Variants in DSCAM observed in about 807,000 individuals in gnomAD.
DSCAM encodes cell adhesion molecule DSCAM.
DSCAM carries 47 observed loss-of-function variants against 217.7 expected under a neutral mutation model. The ratio of observed to expected loss-of-function variants is 0.22; its 90% CI spans 0.17 to 0.28. The LOEUF is 0.28. Ranked by LOEUF, DSCAM falls within the 10% of genes least tolerant of loss-of-function variation. The pLI is 1.00. For missense variants in DSCAM, 2,080 were observed against 2,618.3 expected, an observed-to-expected ratio of 0.79 and a Z score of 4.49; for synonymous variants, 1,056 against 1,015.3, an observed-to-expected ratio of 1.04 and a Z score of -0.76.
rs58427418 is a variant in DSCAM at position 40,525,009 on chromosome 21, C to CAAAAA, written c.509-155769_509-155765dup. On this transcript the variant is annotated intron_variant, in intron 3 of 32. Coordinates refer to ENST00000400454, the MANE Select transcript of DSCAM (RefSeq NM_001389.5). ...TGGGCAACAGAGTGAGACTCAGTCT[C>CAAAAA]AAAAAAAAAAAAAAAAAAAAAATCC... 7.0e-3 allele frequency among the ~76,000 whole-genome samples: 395 copies of CAAAAA among 56,078 alleles called. 23 individuals carry two copies. Among genetic ancestry groups the CAAAAA allele is most frequent in the African/African-American group, 0.022 (380 of 17,094 alleles). 36.8% of individuals were successfully genotyped at this position (56,078 alleles called of 152,430 possible). A position where few individuals can be genotyped will look rare whatever the true frequency, so the allele number is the denominator to read the frequency against.
chr21:40,779,216 T>C (rs2091518218), intron 1 of DSCAM, among the ~76,000 whole-genome samples: 1 of 152,062 alleles, frequency 6.6e-6, no homozygotes, highest in African/African-American at 2.4e-5. Flanking sequence ...TGAAAGGTAT[T>C]TTGGGCTGAA....
intron 1 of DSCAM, among the ~76,000 whole-genome samples, chr21:40,717,026 T>TA (rs1203089383): frequency 1.3e-5 from 2 of 152,176 alleles, no homozygotes; most frequent in Non-Finnish European, 2.9e-5. Context: ...GCAGAAGTCT[T>TA]AAAAAATATT....
intron 5 of DSCAM, among the ~76,000 whole-genome samples, chr21:40,352,417 T>C (rs752410944): frequency 6.6e-6 from 1 of 152,198 alleles, no homozygotes; most frequent in African/African-American, 2.4e-5. Context: ...AGACTAAACA[T>C]ATTCAAATAT....
At chr21:40,777,031 C>T (rs1410586039) in intron 1 of DSCAM, among the ~76,000 whole-genome samples, 1 of 152,120 alleles carries the variant, frequency 6.6e-6, no homozygotes, top group African/African-American at 2.4e-5. Flanking sequence ...ACAAAAATAC[C>T]ATAGACTGGA....
intron 3 of DSCAM, among the ~76,000 whole-genome samples, chr21:40,417,817 C>T: frequency 6.6e-6 from 1 of 152,016 alleles, no homozygotes; most frequent in East Asian, 1.9e-4. Flanking sequence ...AAGAAAGGAT[C>T]ACAATAACAA....
intron 3 of DSCAM, among the ~76,000 whole-genome samples, chr21:40,657,669 A>G (rs2090090886): frequency 6.6e-6 from 1 of 152,158 alleles, no homozygotes; most frequent in South Asian, 2.1e-4. Flanking sequence ...CAACGCGGCA[A>G]TCTGATCAGG....
At chr21:40,654,690 C>T (rs939829720) in intron 3 of DSCAM, among the ~76,000 whole-genome samples, 6 of 152,156 alleles carry the variant, frequency 3.9e-5, no homozygotes, top group African/African-American at 1.4e-4. Context: ...TCAGCAGTGC[C>T]TGGCGGAGTT....
In DSCAM at chr21:40,221,511, T is replaced by A. The variant is rs540450056; in HGVS notation, c.2357-32273A>T. ...ATATTATATATAATATACATATAAATAGTAATCATAAGATTGTTTTGTATC... is the reference window on the plus strand; with the variant it reads ...ATATTATATATAATATACATATAAAAAGTAATCATAAGATTGTTTTGTATC... On this transcript the variant is annotated intron_variant, in intron 11 of 32. Coordinates refer to ENST00000400454, the MANE Select transcript of DSCAM (RefSeq NM_001389.5). Among the ~76,000 whole-genome samples the A allele has an allele frequency of 4.5e-3, 675 of 149,980 alleles. 3 individuals carry two copies. The highest frequency in any genetic ancestry group is 6.5e-3 in the Non-Finnish European group (439 of 67,610).
intron 11 of DSCAM, among the ~76,000 whole-genome samples, chr21:40,274,781 C>G (rs181791737): frequency 5.9e-4 from 90 of 152,260 alleles, no homozygotes; most frequent in Admixed American, 1.3e-3. Context: ...TAATTATAAT[C>G]CATTTCACAA....
chr21:40,210,892 T>C (rs2146879213), intron 11 of DSCAM, among the ~76,000 whole-genome samples: 1 of 152,332 alleles, frequency 6.6e-6, no homozygotes, highest in East Asian at 1.9e-4. Flanking sequence ...TGTGCTCGTG[T>C]AGCTCTGTAG....
At chr21:40,742,601 A>T (rs1433866564) in intron 1 of DSCAM, among the ~76,000 whole-genome samples, 1 of 152,266 alleles carries the variant, frequency 6.6e-6, no homozygotes, top group African/African-American at 2.4e-5. Context: ...CAGCAGCAAT[A>T]TAAAACTGAT....
intron 3 of DSCAM, among the ~76,000 whole-genome samples, chr21:40,641,616 T>G (rs1284350020): frequency 2.0e-5 from 3 of 152,226 alleles, no homozygotes; most frequent in Admixed American, 2.0e-4. Flanking sequence ...TCAACATGAT[T>G]GAAAATATCT....
Position 40,012,007 on chromosome 21 carries a change from T to G in DSCAM, c.*1027A>C, listed in dbSNP as rs1335450088. ...CTGCTGCAACTATTCAGCTCTACCATTGTGCCATGAAAGCAGCCATAGACA... is the reference window on the plus strand; with the variant it reads ...CTGCTGCAACTATTCAGCTCTACCAGTGTGCCATGAAAGCAGCCATAGACA... On this transcript the variant is annotated 3_prime_UTR_variant, in exon 33 of 33. Transcript: ENST00000400454. The G allele has an allele frequency of 6.6e-6, 1 of 152,188 alleles. No individual in the cohort carries two copies. Among genetic ancestry groups the G allele is most frequent in the East Asian group, 1.9e-4 (1 of 5,190 alleles). 9.4% of individuals were successfully genotyped at this position (152,188 alleles called of 1,614,324 possible).
chr21:40,505,141 AC>A (rs888385014), intron 3 of DSCAM, among the ~76,000 whole-genome samples: 3 of 152,226 alleles, frequency 2.0e-5, no homozygotes, highest in African/African-American at 7.2e-5. Context: ...AAGCCTTAAG[AC>A]AACTTTGAGA....
At chr21:40,387,616 C>T (rs986273739) in intron 3 of DSCAM, among the ~76,000 whole-genome samples, 1 of 152,168 alleles carries the variant, frequency 6.6e-6, no homozygotes, top group Non-Finnish European at 1.5e-5. Context: ...ACAGATGAAG[C>T]TTGACTCCTC....
chr21:40,216,985 G>A (rs1237535764), intron 11 of DSCAM, among the ~76,000 whole-genome samples: 1 of 152,178 alleles, frequency 6.6e-6, no homozygotes, highest in East Asian at 1.9e-4. Context: ...CACAACTAAT[G>A]ATTCCATTCC....
intron 3 of DSCAM, among the ~76,000 whole-genome samples, chr21:40,449,909 A>G (rs939991861): frequency 3.3e-5 from 5 of 152,192 alleles, no homozygotes; most frequent in African/African-American, 9.7e-5. Context: ...TGATGGCCAA[A>G]TCCACAATAC....
intron 1 of DSCAM, among the ~76,000 whole-genome samples, chr21:40,803,689 T>C (rs2123508928): frequency 6.6e-6 from 1 of 152,240 alleles, no homozygotes; most frequent in South Asian, 2.1e-4. Flanking sequence ...ATATAGAATA[T>C]ACTGGCATTT....
intron 3 of DSCAM, among the ~76,000 whole-genome samples, chr21:40,669,027 T>C (rs2146396271): frequency 6.6e-6 from 1 of 152,252 alleles, no homozygotes; most frequent in African/African-American, 2.4e-5. Flanking sequence ...AGTGCAGGGA[T>C]TGCGTATTTC....
Sources: gnomAD v4.1 joint callset for allele counts (sites outside exome capture counted in the v4.1 genomes callset) on GRCh38, gnomAD v4.1.1 for gene constraint, MANE v1.5 for transcripts, NCBI Gene and HGNC (gene_info 2026-07-23, HGNC 2026-07-21) for gene names.